Variants in ADAMTSL1 observed in about 807,000 individuals in gnomAD.
ADAMTSL1 encodes the protein ADAMTS-like protein 1.
Under a neutral mutation model 201.8 loss-of-function variants are expected in ADAMTSL1, and 126 were observed. The observed-to-expected ratio is 0.62, with a 90% CI of 0.54 to 0.72. The LOEUF (loss-of-function observed/expected upper bound fraction) is 0.72. Among genes scored for constraint, ADAMTSL1 ranks in the 30% least tolerant of loss-of-function variants. The pLI, the probability that ADAMTSL1 is intolerant of heterozygous loss-of-function variation, is 0.00. For missense variants in ADAMTSL1, 2,679 were observed against 2,277.8 expected, an observed-to-expected ratio of 1.18 and a Z score of -3.59; for synonymous variants, 1,121 against 903.4, an observed-to-expected ratio of 1.24 and a Z score of -4.32.
chr9:18,801,001 A>G (rs965160948), intron 20 of ADAMTSL1, among the ~76,000 whole-genome samples: 1 of 152,196 alleles, frequency 6.6e-6, no homozygotes, highest in Non-Finnish European at 1.5e-5. Context: ...TGAATATTGA[A>G]AGAGAATGGT....
intron 2 of ADAMTSL1, among the ~76,000 whole-genome samples, chr9:18,518,446 C>G (rs940905466): frequency 2.0e-5 from 3 of 152,270 alleles, no homozygotes; most frequent in Middle Eastern, 3.4e-3. Flanking sequence ...ATAATGGCCT[C>G]CAGCTCCATC....
At chr9:18,583,602 G>T (rs1279267643) in intron 4 of ADAMTSL1, among the ~76,000 whole-genome samples, 1 of 152,154 alleles carries the variant, frequency 6.6e-6, no homozygotes, top group Non-Finnish European at 1.5e-5. Context: ...ACGCAGAATG[G>T]TAGATCCACT....
rs905028107 is a variant in ADAMTSL1, at chr9:18,280,544, A to G, written c.207+116563A>G. Reference sequence around the variant, plus strand: ...CTTTGTGAACATGGTGTGCCTCACTATTTTGGCAGAGTAGGAGGTTAAGCC... The same window carrying G: ...CTTTGTGAACATGGTGTGCCTCACTGTTTTGGCAGAGTAGGAGGTTAAGCC... On this transcript the variant is annotated intron_variant, in intron 2 of 29. Coordinates refer to the ADAMTSL1 transcript ENST00000680146. Among the ~76,000 whole-genome samples the G allele has an allele frequency of 1.4e-4, 22 of 152,130 alleles. 1 individual carries two copies. Among genetic ancestry groups the G allele is most frequent in the Admixed American group, 7.9e-4 (12 of 15,276 alleles).
chr9:18,488,228 C>A (rs1025243637), intron 1 of ADAMTSL1, among the ~76,000 whole-genome samples: 1 of 152,278 alleles, frequency 6.6e-6, no homozygotes, highest in South Asian at 2.1e-4. Flanking sequence ...GTTTGTCTTA[C>A]CTTAGATCTG....
At chr9:18,748,914 T>C (rs1348245793) in intron 15 of ADAMTSL1, among the ~76,000 whole-genome samples, 1 of 152,212 alleles carries the variant, frequency 6.6e-6, no homozygotes, top group Admixed American at 6.5e-5. Flanking sequence ...CTCTGAAACC[T>C]ATAAGGAGAG....
At chr9:18,493,220 G>A (rs1449920298) in intron 1 of ADAMTSL1, among the ~76,000 whole-genome samples, 1 of 152,138 alleles carries the variant, frequency 6.6e-6, no homozygotes, top group South Asian at 2.1e-4. Context: ...TTTAAAATGT[G>A]TGTTCAGATT....
intron 13 of ADAMTSL1, among the ~76,000 whole-genome samples, chr9:18,690,077 T>C (rs1831121007): frequency 6.6e-6 from 1 of 152,174 alleles, no homozygotes; most frequent in South Asian, 2.1e-4. Context: ...AGCTTAGCAA[T>C]GGGGTTTATT....
intron 23 of ADAMTSL1, among the ~76,000 whole-genome samples, chr9:18,879,602 A>G (rs1274037448): frequency 6.6e-6 from 1 of 152,216 alleles, no homozygotes; most frequent in Non-Finnish European, 1.5e-5. Flanking sequence ...CAACACCAAT[A>G]CATCTAAAAG....
intron 2 of ADAMTSL1, among the ~76,000 whole-genome samples, chr9:18,326,168 G>T (rs1323675986): frequency 6.6e-6 from 1 of 152,166 alleles, no homozygotes; most frequent in Non-Finnish European, 1.5e-5. Context: ...GTTTCAACAT[G>T]AATTTTGAAG....
In ADAMTSL1 at chr9:18,386,957, T is replaced by C. The variant is rs535924936; in HGVS notation, c.208-117872T>C. Among the ~76,000 whole-genome samples the C allele has an allele frequency of 2.9e-3, 434 of 152,264 alleles. 2 individuals carry two copies. Among genetic ancestry groups the C allele is most frequent in the Middle Eastern group, 6.8e-3 (2 of 294 alleles). ...ATGCTTTCATGGACAAAAATCAAGGTGTCCAAGAAAGCAATTTGTCAGTAC... is the reference window on the plus strand; with the variant it reads ...ATGCTTTCATGGACAAAAATCAAGGCGTCCAAGAAAGCAATTTGTCAGTAC... On this transcript the variant is annotated intron_variant, in intron 2 of 29. Transcript: ENST00000680146.
chr9:18,498,905 A>G (rs998799041), intron 1 of ADAMTSL1, among the ~76,000 whole-genome samples: 10 of 152,262 alleles, frequency 6.6e-5, no homozygotes, highest in African/African-American at 2.4e-4. Context: ...CAGGTACTTA[A>G]GAAACCCCAG....
chr9:18,801,221 C>T (rs953341354), intron 20 of ADAMTSL1, among the ~76,000 whole-genome samples: 31 of 151,958 alleles, frequency 2.0e-4, no homozygotes, highest in African/African-American at 7.5e-4. Flanking sequence ...CAATGTTGAC[C>T]CTAAAAAACA....
intron 3 of ADAMTSL1, among the ~76,000 whole-genome samples, chr9:18,560,630 G>A (rs1821423099): frequency 1.3e-5 from 2 of 150,876 alleles, no homozygotes. Flanking sequence ...GCTGTGGTCT[G>A]GTCCTGGGTT....
chr9:18,548,373 G>A (rs763939467), intron 3 of ADAMTSL1, among the ~76,000 whole-genome samples: 4 of 151,914 alleles, frequency 2.6e-5, no homozygotes, highest in Non-Finnish European at 2.9e-5. Context: ...GTTTAAAATG[G>A]CCCCGAAGCA....
intron 2 of ADAMTSL1, among the ~76,000 whole-genome samples, chr9:18,521,131 A>G (rs1255706210): frequency 6.6e-6 from 1 of 152,206 alleles, no homozygotes; most frequent in African/African-American, 2.4e-5. Context: ...AAAAGGACAA[A>G]GACACATTTT....
chr9:18,412,433 A>T (rs984887416), intron 2 of ADAMTSL1, among the ~76,000 whole-genome samples: 1 of 152,140 alleles, frequency 6.6e-6, no homozygotes, highest in African/African-American at 2.4e-5. Context: ...TAAAATGATG[A>T]TTCTCTCATT....
intron 22 of ADAMTSL1, among the ~76,000 whole-genome samples, chr9:18,828,660 T>TTTTTTTATATATATA (rs10685537): frequency 7.0e-5 from 2 of 28,532 alleles, no homozygotes; most frequent in African/African-American, 2.3e-4. Context: ...GAAAGTATAT[T>TTTTTTTATATATATA]TATATATATA....
intron 2 of ADAMTSL1, among the ~76,000 whole-genome samples, chr9:18,306,415 C>G (rs1183304084): frequency 1.3e-5 from 2 of 152,102 alleles, no homozygotes; most frequent in Non-Finnish European, 2.9e-5. Flanking sequence ...GGAGCGTATT[C>G]TAACCCAATG....
intron 2 of ADAMTSL1, among the ~76,000 whole-genome samples, chr9:18,191,711 C>T (rs1828978280): frequency 6.6e-6 from 1 of 152,156 alleles, no homozygotes; most frequent in Non-Finnish European, 1.5e-5. Context: ...ATTAGTATAT[C>T]ACTTAAGACT....
Sources: gnomAD v4.1 joint callset for allele counts (sites outside exome capture counted in the v4.1 genomes callset) on GRCh38, gnomAD v4.1.1 for gene constraint, MANE v1.5 for transcripts, NCBI Gene and HGNC (gene_info 2026-07-23, HGNC 2026-07-21) for gene names.